Variants in C10orf88 observed in about 807,000 individuals in gnomAD.
C10orf88 encodes the protein ATPase PAAT.
C10orf88 carries 29 observed loss-of-function variants against 34.2 expected under a neutral mutation model. The observed-to-expected ratio is 0.85, with a 90% CI of 0.63 to 1.16. The LOEUF is 1.16. C10orf88 is among the 50% of genes most tolerant of loss of function. The pLI is 0.00. For synonymous variants in C10orf88, 194 were observed against 197.4 expected (o/e 0.98, Z 0.15); for missense variants, 507 against 533.2 (o/e 0.95, Z 0.48).
At chr10:122,953,859 C>T (rs9645594) in intron 1 of C10orf88, among the ~76,000 whole-genome samples, 156 bp downstream of exon 1, 2,079 of 151,662 alleles carry the variant, frequency 0.014, 29 homozygotes, top group East Asian at 0.064. Context: ...CTCCGCCCAC[C>T]CCGGACGACC....
At position 122,954,026 on chromosome 10, in the gene C10orf88, C is replaced by T; in HGVS notation, c.153G>A (p.Pro51=). ...TCGGCCCGGCGCACCCTGGAGCAGG[C>T]GGTGCCAGCAGCTCCTCCCAGTCGA... ...GDFDWEELLA[P]PAPGQDLVIL... Residue 51 remains proline, a synonymous_variant, in exon 1 of 6, where the codon CCG becomes CCA. Transcript: ENST00000481909. 2 of 1,525,292 alleles carry T rather than the reference C, an allele frequency of 1.3e-6. No individual in the cohort carries two copies. The highest frequency in any genetic ancestry group is 2.0e-5 in the Admixed American group (1 of 49,318). 94.5% of individuals were successfully genotyped at this position (1,525,292 alleles called of 1,614,324 possible).
chr10:122,946,382 CCATTAT>C (rs1848639863), intron 4 of C10orf88, among the ~76,000 whole-genome samples: 1 of 152,102 alleles, frequency 6.6e-6, no homozygotes, highest in Non-Finnish European at 1.5e-5. Context: ...CAAATCCTTA[CCATTAT>C]AACTGCCTAG....
intron 2 of C10orf88, 30 bp downstream of exon 2, chr10:122,952,799 A>G (rs1280030932): frequency 6.2e-7 from 1 of 1,610,518 alleles, no homozygotes; most frequent in Non-Finnish European, 8.5e-7. Context: ...CTACTTCAGA[A>G]GAACACTTTC....
At chr10:122,942,160 C>A (rs1848590257) in intron 4 of C10orf88, among the ~76,000 whole-genome samples, 1 of 152,002 alleles carries the variant, frequency 6.6e-6, no homozygotes, top group East Asian at 1.9e-4. Flanking sequence ...TAATTAATAT[C>A]CTCTAATCGT....
At chr10:122,951,691 G>A (rs920709761) in intron 3 of C10orf88, among the ~76,000 whole-genome samples, 1 of 152,048 alleles carries the variant, frequency 6.6e-6, no homozygotes, top group African/African-American at 2.4e-5. Context: ...AATTTGCCAG[G>A]CATGGTGGTG....
At chr10:122,933,028 A>G (rs1238673619) in intron 5 of C10orf88, among the ~76,000 whole-genome samples, 1 of 152,192 alleles carries the variant, frequency 6.6e-6, no homozygotes, top group South Asian at 2.1e-4. Context: ...CCAACTCTAT[A>G]AAGTTTTTCT....
intron 4 of C10orf88, among the ~76,000 whole-genome samples, chr10:122,947,029 G>A (rs1848646868): frequency 6.6e-6 from 1 of 152,092 alleles, no homozygotes; most frequent in African/African-American, 2.4e-5. Context: ...CAAGCAGTCA[G>A]GGGGCTTTGC....
In C10orf88 at chr10:122,954,024, G is replaced by T; in HGVS notation, c.155C>A (p.Pro52His). ...CGTCGGCCCGGCGCACCCTGGAGCAGGCGGTGCCAGCAGCTCCTCCCAGTC... is the reference window on the plus strand; with the variant it reads ...CGTCGGCCCGGCGCACCCTGGAGCATGCGGTGCCAGCAGCTCCTCCCAGTC... Reference protein sequence around the residue: ...DFDWEELLAPPAPGQDLVILK... With the variant: ...DFDWEELLAPHAPGQDLVILK... Residue 52 changes from proline (P) to histidine (H), a missense_variant, in exon 1 of 6, where the codon CCT becomes CAT. By Grantham distance (77) the Pro-to-His change is moderately conservative. Transcript: ENST00000481909. 1 of 1,525,698 alleles carries T rather than the reference G, an allele frequency of 6.6e-7. No individual in the cohort carries two copies. The highest frequency in any genetic ancestry group is 1.4e-5 in the African/African-American group (1 of 71,418). 94.5% of individuals were successfully genotyped at this position (1,525,698 alleles called of 1,614,324 possible).
chr10:122,936,651 T>C (rs913210444), intron 5 of C10orf88, among the ~76,000 whole-genome samples: 4 of 151,972 alleles, frequency 2.6e-5, no homozygotes, highest in Non-Finnish European at 4.4e-5. Flanking sequence ...TTATCAATAC[T>C]TCTTTAACTG....
chr10:122,940,520 CATTTAAAAA>C (rs906470826), intron 4 of C10orf88, among the ~76,000 whole-genome samples: 2 of 152,002 alleles, frequency 1.3e-5, no homozygotes, highest in African/African-American at 4.8e-5. Flanking sequence ...CCATATTGTA[CATTTAAAAA>C]TTTGTTAAGA....
intron 5 of C10orf88, among the ~76,000 whole-genome samples, chr10:122,935,497 TG>T (rs1848526693): frequency 6.6e-6 from 1 of 152,036 alleles, no homozygotes; most frequent in Non-Finnish European, 1.5e-5. Flanking sequence ...TATAAGTCTA[TG>T]CCTCTGACAA....
intron 4 of C10orf88, among the ~76,000 whole-genome samples, chr10:122,941,356 T>C (rs1333392811): frequency 6.6e-6 from 1 of 151,998 alleles, no homozygotes; most frequent in African/African-American, 2.4e-5. Context: ...ATCACAAAGG[T>C]TTGGATTGCA....
chr10:122,948,748 C>T lies in C10orf88; in HGVS notation c.549G>A (p.Arg183=), dbSNP rs1848663141. 1.9e-6 allele frequency: 3 copies of T among 1,613,864 alleles called. No homozygotes were observed. In the South Asian group the frequency reaches 3.3e-5, roughly 18 times the overall value. ...TGGTTTGGACCTTGTCAAGGTCTATCCTTGATCCTAGAGCAGGAGAGCTTG... is the reference window on the plus strand; with the variant it reads ...TGGTTTGGACCTTGTCAAGGTCTATTCTTGATCCTAGAGCAGGAGAGCTTG... ...SSTSSPALGS[R]IDLDKVQTIM... is the part of the protein sequence containing the mutation. The change falls in exon 4 of 6, where the codon AGG becomes AGA. Residue 183 remains arginine (R), a synonymous_variant. Transcript: ENST00000481909.
At chr10:122,952,496 A>G (rs1848699276) in intron 2 of C10orf88, among the ~76,000 whole-genome samples, 1 of 152,244 alleles carries the variant, frequency 6.6e-6, no homozygotes, top group Non-Finnish European at 1.5e-5. Context: ...TACCAAATTA[A>G]CTTTCGGAAG....
chr10:122,948,486 A>G (rs1848659874), intron 4 of C10orf88, among the ~76,000 whole-genome samples, 163 bp downstream of exon 4: 1 of 152,206 alleles, frequency 6.6e-6, no homozygotes, highest in South Asian at 2.1e-4. Flanking sequence ...TAGTCAAAAC[A>G]CTTTGTAGAA....
chr10:122,936,667 C>T (rs1848536393), intron 5 of C10orf88, among the ~76,000 whole-genome samples: 1 of 151,794 alleles, frequency 6.6e-6, no homozygotes, highest in South Asian at 2.1e-4. Context: ...AACTGCATCC[C>T]ACAAATTTTG....
At chr10:122,949,289 A>G (rs1167308932) in intron 3 of C10orf88, among the ~76,000 whole-genome samples, 1 of 152,210 alleles carries the variant, frequency 6.6e-6, no homozygotes, top group Admixed American at 6.5e-5. Context: ...AGGTATAGTA[A>G]GAGTTTAACA....
chr10:122,941,533 G>A (rs1385677942), intron 4 of C10orf88, among the ~76,000 whole-genome samples: 2 of 152,042 alleles, frequency 1.3e-5, no homozygotes, highest in African/African-American at 4.8e-5. Flanking sequence ...CACTTACACG[G>A]AAGGAGTTGA....
chr10:122,953,626 C>A (rs921060883), intron 1 of C10orf88, among the ~76,000 whole-genome samples: 4 of 152,206 alleles, frequency 2.6e-5, no homozygotes, highest in Admixed American at 6.5e-5. Flanking sequence ...GTATCTTTTT[C>A]GAAATTAAGT....
Sources: gnomAD v4.1 joint callset for allele counts (sites outside exome capture counted in the v4.1 genomes callset) on GRCh38, gnomAD v4.1.1 for gene constraint, MANE v1.5 for transcripts, NCBI Gene and HGNC (gene_info 2026-07-23, HGNC 2026-07-21) for gene names.